The following SLIT3 variants were observed in gnomAD, a reference collection of about 807,000 sequenced individuals.
SLIT3 encodes slit guidance ligand 3.
A neutral mutation model predicts 184.0 loss-of-function variants in SLIT3; 68 were observed. The ratio of observed to expected loss-of-function variants is 0.37; its 90% CI spans 0.30 to 0.45. The LOEUF is 0.45. Ranked by LOEUF, SLIT3 falls within the 20% of genes least tolerant of loss-of-function variation. The pLI, the probability that SLIT3 is intolerant of heterozygous loss-of-function variation, is 1.00. For synonymous variants in SLIT3, 831 were observed against 828.6 expected (o/e 1.00, Z -0.05); for missense variants, 1,707 against 2,026.0 (o/e 0.84, Z 3.02).
intron 3 of SLIT3, among the ~76,000 whole-genome samples, chr5:169,221,103 G>A (rs1370730137): frequency 1.3e-5 from 2 of 152,162 alleles, no homozygotes; most frequent in Non-Finnish European, 2.9e-5. Context: ...TCATTGTGAG[G>A]GCTCAGGATT....
chr5:168,934,979 A>C lies in SLIT3; in HGVS notation c.414-51643T>G, dbSNP rs542337966. 4.3e-4 allele frequency among the ~76,000 whole-genome samples: 65 copies of C among 150,850 alleles called. No individual in the cohort carries two copies. In the South Asian group the frequency reaches 9.5e-3, roughly 22 times the overall value. On this transcript the variant is annotated intron_variant, in intron 4 of 35. Transcript: ENST00000519560. The stretch of plus-strand genomic sequence containing the variant: ...CCCATCTCTACTAAAAAAAAAAAAA[A>C]AAACAAAAATTAGCCAGGCATGGTG...
chr5:169,230,804 T>C (rs1764975823), intron 3 of SLIT3, among the ~76,000 whole-genome samples: 1 of 152,242 alleles, frequency 6.6e-6, no homozygotes, highest in South Asian at 2.1e-4. Flanking sequence ...TCTTTAACTA[T>C]CTGACTTTCA....
At chr5:168,666,788 A>G (rs1761066401) in intron 35 of SLIT3, 99 bp from the exon 36 acceptor site, 1 of 1,566,546 alleles carries the variant, frequency 6.4e-7, no homozygotes. Flanking sequence ...TGTGCTCTGA[A>G]GACTGTAAGA....
At chr5:168,739,477 C>T (rs1461038078) in intron 20 of SLIT3, among the ~76,000 whole-genome samples, 6 of 150,328 alleles carry the variant, frequency 4.0e-5, no homozygotes, top group African/African-American at 1.5e-4. Context: ...GGCTGGAGTG[C>T]AACGGCGCAA....
At chr5:168,889,529 C>T (rs1053470145) in intron 4 of SLIT3, among the ~76,000 whole-genome samples, 1 of 152,178 alleles carries the variant, frequency 6.6e-6, no homozygotes, top group African/African-American at 2.4e-5. Flanking sequence ...TACGTGTTCC[C>T]TTGAGGTTAA....
rs549210333 is a variant in SLIT3 at position 169,057,539 on chromosome 5, G to T, written c.413+135940C>A. ...AAGCTCCCAGAGGGGGATGTAGAGG[G>T]TGGCTAAGAATAGGGAGTCAGAGGC... On this transcript the variant is annotated intron_variant, in intron 4 of 35. Coordinates refer to ENST00000519560, the MANE Select transcript of SLIT3 (RefSeq NM_003062.4). Among the ~76,000 whole-genome samples the T allele has an allele frequency of 1.7e-4, 26 of 152,358 alleles. No homozygotes were observed. The South Asian group carries it at 5.2e-3, about 30-fold the overall frequency.
chr5:169,264,552 CCT>C (rs534573452), intron 1 of SLIT3, among the ~76,000 whole-genome samples: 53 of 152,130 alleles, frequency 3.5e-4, no homozygotes, highest in Non-Finnish European at 6.9e-4. Context: ...TGGGTGTCTT[CCT>C]CTGTCTCCTC....
intron 12 of SLIT3, among the ~76,000 whole-genome samples, chr5:168,776,291 A>T (rs1666372145): frequency 6.6e-6 from 1 of 152,218 alleles, no homozygotes; most frequent in Non-Finnish European, 1.5e-5. Context: ...TGTGGCAGTG[A>T]CAAGTGGAAG....
rs548507411 is a variant in SLIT3, at chr5:169,055,856, AAAAG to A, written c.413+137619_413+137622del. The stretch of plus-strand genomic sequence containing the variant: ...GAGGAAAAAAAAAAAAGAAAAAAGA[AAAAG>A]AAGGAAGTTGGAGAAGTAGACAGTG... On this transcript the variant is annotated intron_variant, in intron 4 of 35. Transcript: ENST00000519560. Among the ~76,000 whole-genome samples, 14 of 152,206 alleles carry A rather than the reference AAAAG, an allele frequency of 9.2e-5. 1 individual carries two copies. The East Asian group carries it at 2.1e-3, about 23-fold the overall frequency.
At position 168,700,568 on chromosome 5, in the gene SLIT3, G is replaced by A; in HGVS notation, c.2942+14C>T. 1 of 1,587,676 alleles carries A rather than the reference G, an allele frequency of 6.3e-7. No homozygotes were observed. The highest frequency in any genetic ancestry group is 8.7e-7 in the Non-Finnish European group (1 of 1,155,940). ...AAACTAATACAGTGAGGGAGGCCAG[G>A]GGTGAACTGTTACCTGAACCCATCC... On this transcript the variant is annotated intron_variant, in intron 27 of 35. Transcript: ENST00000519560.
At chr5:168,687,778 A>G (rs1761790077) in intron 29 of SLIT3, among the ~76,000 whole-genome samples, 1 of 152,248 alleles carries the variant, frequency 6.6e-6, no homozygotes, top group African/African-American at 2.4e-5. Flanking sequence ...TAGAAGATGA[A>G]TGAAGAGGAA....
intron 6 of SLIT3, among the ~76,000 whole-genome samples, chr5:168,842,472 T>TC (rs1758297248): frequency 8.1e-6 from 1 of 123,672 alleles, no homozygotes; most frequent in Non-Finnish European, 1.7e-5. Context: ...TTTTTTCGTT[T>TC]TTTTTTTTTT....
chr5:168,988,830 T>C (rs1755221475), intron 4 of SLIT3, among the ~76,000 whole-genome samples: 1 of 152,172 alleles, frequency 6.6e-6, no homozygotes. Context: ...TCCTGGGTTT[T>C]GCCTCCAGAG....
At chr5:169,067,399 C>A (rs1758393953) in intron 4 of SLIT3, among the ~76,000 whole-genome samples, 1 of 151,914 alleles carries the variant, frequency 6.6e-6, no homozygotes, top group Non-Finnish European at 1.5e-5. Context: ...CAGCGAGACT[C>A]CACCTCAAAA....
intron 4 of SLIT3, among the ~76,000 whole-genome samples, chr5:169,183,011 G>A (rs1379833749): frequency 6.6e-6 from 1 of 152,206 alleles, no homozygotes; most frequent in African/African-American, 2.4e-5. Flanking sequence ...CCACAGGTGG[G>A]TCCCAGCCAA....
At chr5:168,802,328 T>C (rs1392379264) in intron 9 of SLIT3, among the ~76,000 whole-genome samples, 1 of 152,024 alleles carries the variant, frequency 6.6e-6, no homozygotes, top group African/African-American at 2.4e-5. Flanking sequence ...CCCAGGTACA[T>C]GGAAGAAGCA....
intron 1 of SLIT3, among the ~76,000 whole-genome samples, chr5:169,265,356 G>T (rs1231480693): frequency 6.6e-6 from 1 of 152,200 alleles, no homozygotes; most frequent in Non-Finnish European, 1.5e-5. Context: ...ATTCTGGCTT[G>T]TCTCCAAAGG....
At chr5:168,730,058 G>A (rs1378023481) in intron 20 of SLIT3, among the ~76,000 whole-genome samples, 6 of 151,750 alleles carry the variant, frequency 4.0e-5, no homozygotes, top group Admixed American at 3.3e-4. Flanking sequence ...AACCAAAAGT[G>A]AGCAGGAGTA....
chr5:168,856,766 CGTGTGTGTGTGTGTGTGTGTGTGT>C (rs372608852), intron 5 of SLIT3, among the ~76,000 whole-genome samples: 1 of 132,866 alleles, frequency 7.5e-6, no homozygotes, highest in South Asian at 2.8e-4. Context: ...CTGAGTTCCT[CGTGTGTGTGTGTGTGTGTGTGTGT>C]GTGTGTGTGT....
Sources: gnomAD v4.1 joint callset for allele counts (sites outside exome capture counted in the v4.1 genomes callset) on GRCh38, gnomAD v4.1.1 for gene constraint, MANE v1.5 for transcripts, NCBI Gene and HGNC (gene_info 2026-07-23, HGNC 2026-07-21) for gene names.